The following PARD3B variants were observed in gnomAD, a reference collection of about 807,000 sequenced individuals.
The protein encoded by PARD3B is partitioning defective 3 homolog B.
PARD3B carries 103 observed loss-of-function variants against 130.2 expected under a neutral mutation model. That is an observed-to-expected ratio of 0.79 (90% CI 0.67 to 0.93). The LOEUF is 0.93. PARD3B is among the 40% of genes least tolerant of loss of function. The pLI, the probability that PARD3B is intolerant of heterozygous loss-of-function variation, is 0.00. For missense variants in PARD3B, 1,609 were observed against 1,499.2 expected (o/e 1.07, Z -1.21); for synonymous variants, 583 against 553.2 (o/e 1.05, Z -0.76).
chr2:205,433,700 A>G (rs1431833534), intron 19 of PARD3B, among the ~76,000 whole-genome samples: 1 of 152,134 alleles, frequency 6.6e-6, no homozygotes, highest in Non-Finnish European at 1.5e-5. Context: ...TTTCCCATTC[A>G]TAGGTAAAAG....
chr2:205,509,034 C>T (rs1183609228), intron 21 of PARD3B, among the ~76,000 whole-genome samples: 1 of 150,568 alleles, frequency 6.6e-6, no homozygotes, highest in African/African-American at 2.4e-5. Flanking sequence ...AATTTGTTGA[C>T]ATATAAGCTA....
chr2:204,766,372 T>C (rs184060912), intron 2 of PARD3B, among the ~76,000 whole-genome samples: 20 of 152,306 alleles, frequency 1.3e-4, no homozygotes, highest in Non-Finnish European at 5.9e-5. Flanking sequence ...TCAAATATTA[T>C]TGGGGTACAT....
intron 1 of PARD3B, among the ~76,000 whole-genome samples, chr2:204,666,156 A>G (rs1464471679): frequency 6.6e-6 from 1 of 152,204 alleles, no homozygotes; most frequent in Non-Finnish European, 1.5e-5. Flanking sequence ...GTTGATGAAG[A>G]CATTGCCCCT....
Position 205,550,156 on chromosome 2 carries a change from T to G in PARD3B, c.3181-3168T>G, listed in dbSNP as rs2052554619. Among the ~76,000 whole-genome samples, 1 of 152,160 alleles carries G rather than the reference T, an allele frequency of 6.6e-6. No individual in the cohort carries two copies. The highest frequency in any genetic ancestry group is 1.5e-5 in the Non-Finnish European group (1 of 68,032). ...TCTTTACTTGAATGGCTTATCCTACTACTCCTACACCCTTCTGCCCCAGAA... is the reference window on the plus strand; with the variant it reads ...TCTTTACTTGAATGGCTTATCCTACGACTCCTACACCCTTCTGCCCCAGAA... On this transcript the variant is annotated intron_variant, in intron 21 of 22. Coordinates refer to ENST00000406610, the MANE Select transcript of PARD3B (RefSeq NM_001302769.2). This position sits in a 1 kb window ranked among gnomAD's most constrained non-coding sequence, Gnocchi z 4.5.
intron 21 of PARD3B, among the ~76,000 whole-genome samples, chr2:205,528,496 CTT>C (rs779110151): frequency 6.2e-5 from 9 of 144,872 alleles, no homozygotes; most frequent in African/African-American, 7.5e-5. Flanking sequence ...ATGACACAAT[CTT>C]TTTTTTTTTT....
chr2:205,049,184 CT>C (rs1699016036), intron 4 of PARD3B, among the ~76,000 whole-genome samples: 1 of 152,158 alleles, frequency 6.6e-6, no homozygotes, highest in Non-Finnish European at 1.5e-5. Flanking sequence ...CATTTTCACA[CT>C]GCTCTAAAGA....
intron 1 of PARD3B, among the ~76,000 whole-genome samples, chr2:204,637,892 T>A (rs2034941892): frequency 6.6e-6 from 1 of 152,088 alleles, no homozygotes; most frequent in African/African-American, 2.4e-5. Flanking sequence ...AGGAGAGAGA[T>A]GCGGAAGAGG....
chr2:205,299,509 A>G (rs1164933348), intron 16 of PARD3B, among the ~76,000 whole-genome samples: 2 of 72,934 alleles, frequency 2.7e-5, no homozygotes, highest in Non-Finnish European at 6.2e-5. Flanking sequence ...TAGAGACAAG[A>G]GCCCTGATAG....
chr2:204,807,809 A>G (rs1276457338), intron 2 of PARD3B, among the ~76,000 whole-genome samples: 4 of 152,150 alleles, frequency 2.6e-5, no homozygotes, highest in African/African-American at 9.6e-5. Flanking sequence ...ATGGAGATTG[A>G]GAGTACAATG....
intron 2 of PARD3B, among the ~76,000 whole-genome samples, chr2:204,797,591 T>A (rs2042419290): frequency 6.6e-6 from 1 of 152,194 alleles, no homozygotes; most frequent in South Asian, 2.1e-4. Context: ...CATTAAAAAT[T>A]GTTTGGGCAA....
At chr2:204,735,080 C>T (rs558880605) in intron 2 of PARD3B, among the ~76,000 whole-genome samples, 12 of 146,120 alleles carry the variant, frequency 8.2e-5, no homozygotes, top group African/African-American at 3.3e-4. Context: ...GTTACAGTAG[C>T]AATTGATCCA....
chr2:204,667,140 A>G (rs1300987714), intron 1 of PARD3B, among the ~76,000 whole-genome samples: 1 of 152,074 alleles, frequency 6.6e-6, no homozygotes, highest in East Asian at 1.9e-4. Flanking sequence ...GGTGTTATAA[A>G]AATTACTTAG....
At chr2:204,787,679 A>G (rs1311550490) in intron 2 of PARD3B, among the ~76,000 whole-genome samples, 2 of 152,200 alleles carry the variant, frequency 1.3e-5, no homozygotes, top group Admixed American at 1.3e-4. Flanking sequence ...GTATATTTCT[A>G]ATAGGTGGAA....
At chr2:205,074,569 G>GA (rs1032955701) in intron 4 of PARD3B, among the ~76,000 whole-genome samples, 3 of 152,278 alleles carry the variant, frequency 2.0e-5, no homozygotes, top group African/African-American at 7.2e-5. Flanking sequence ...CATTCTTAGT[G>GA]AAAATGCTGT....
At chr2:204,661,195 T>G (rs2035796862) in intron 1 of PARD3B, among the ~76,000 whole-genome samples, 1 of 152,170 alleles carries the variant, frequency 6.6e-6, no homozygotes, top group African/African-American at 2.4e-5. Context: ...GTAGTAACCC[T>G]TCCTCTTTCC....
chr2:204,971,615 A>T (rs1691713899), intron 3 of PARD3B, among the ~76,000 whole-genome samples: 1 of 147,782 alleles, frequency 6.8e-6, no homozygotes, highest in African/African-American at 2.5e-5. Flanking sequence ...CTTCCCTGGG[A>T]GTCTGTTTTT....
Position 205,258,841 on chromosome 2 carries a change from T to A in PARD3B, c.2185+13019T>A, listed in dbSNP as rs2040193942. On this transcript the variant is annotated intron_variant, in intron 16 of 22. Coordinates refer to ENST00000406610, the MANE Select transcript of PARD3B (RefSeq NM_001302769.2). This position sits in a 1 kb window ranked among gnomAD's most constrained non-coding sequence, Gnocchi z 4.9. ...ATTGCAATTACTAGCATATTTAGAT[T>A]TATGTTTTATTTTCAGTTTTAAATT... Among the ~76,000 whole-genome samples the A allele has an allele frequency of 6.6e-6, 1 of 152,210 alleles. No homozygotes were observed. The highest frequency in any genetic ancestry group is 6.5e-5 in the Admixed American group (1 of 15,274).
At chr2:205,293,699 A>C (rs1046321904) in intron 16 of PARD3B, 3 of 152,242 alleles carry the variant, frequency 2.0e-5, no homozygotes, top group Non-Finnish European at 2.9e-5. Flanking sequence ...TGTATTAACA[A>C]AGAAGAGGAA....
chr2:205,614,033 G>A (rs1047364529), intron 22 of PARD3B, among the ~76,000 whole-genome samples: 28 of 152,156 alleles, frequency 1.8e-4, no homozygotes, highest in Non-Finnish European at 3.7e-4. Flanking sequence ...AATTATAAAA[G>A]GGGGAGTGGC....
Sources: allele counts gnomAD v4.1 joint callset (sites outside exome capture counted in the v4.1 genomes callset), GRCh38; gene constraint gnomAD v4.1.1; non-coding constraint Gnocchi (gnomAD v3.1); transcripts MANE v1.5; gene names NCBI Gene and HGNC (gene_info 2026-07-23, HGNC 2026-07-21).